BLTP3A: variants seen among roughly 807,000 people sequenced by gnomAD.
The protein encoded by BLTP3A is bridge-like lipid transfer protein family member 3A, also known as ICBP90 binding protein 1.
the BLTP3A span, chr6:34,856,924 C>T: frequency 7.4e-6 from 12 of 1,613,124 alleles, no homozygotes; most frequent in Middle Eastern, 3.3e-4. Flanking sequence ...CCTGGACATC[C>T]ACCAGGTGAG....
the BLTP3A span, among the ~76,000 whole-genome samples, chr6:34,849,786 A>G: frequency 6.6e-6 from 1 of 152,204 alleles, no homozygotes; most frequent in Non-Finnish European, 1.5e-5. Context: ...TTTGTTTGCA[A>G]AAGTATTTCT....
the BLTP3A span, among the ~76,000 whole-genome samples, chr6:34,798,218 A>G: frequency 6.6e-6 from 1 of 152,166 alleles, no homozygotes; most frequent in Non-Finnish European, 1.5e-5. Context: ...ATTTTGCATC[A>G]AGTTGTAGAT....
the BLTP3A span, among the ~76,000 whole-genome samples, chr6:34,865,790 G>GTGGCA: frequency 6.6e-6 from 1 of 152,170 alleles, no homozygotes; most frequent in Non-Finnish European, 1.5e-5. Context: ...CTTAAGCTGG[G>GTGGCA]TGGCATGTAC....
At chr6:34,811,001 A>G in the BLTP3A span, among the ~76,000 whole-genome samples, 2 of 152,224 alleles carry the variant, frequency 1.3e-5, no homozygotes, top group African/African-American at 2.4e-5. Context: ...CTAGGCTATC[A>G]GGTTTGTCTG....
At chr6:34,838,491 A>T in the BLTP3A span, among the ~76,000 whole-genome samples, 1 of 144,552 alleles carries the variant, frequency 6.9e-6, no homozygotes, top group Non-Finnish European at 1.5e-5. Flanking sequence ...TATCATCTCA[A>T]GCCACAAAAA....
chr6:34,818,411 G>A, the BLTP3A span, among the ~76,000 whole-genome samples: 2 of 152,020 alleles, frequency 1.3e-5, no homozygotes, highest in South Asian at 2.1e-4. Context: ...TGAGGCTGCA[G>A]TGAGCCATGA....
the BLTP3A span, among the ~76,000 whole-genome samples, chr6:34,854,783 A>G: frequency 6.6e-6 from 1 of 152,104 alleles, no homozygotes; most frequent in African/African-American, 2.4e-5. Context: ...ATTTCCCTTC[A>G]CTCATTTCTG....
chr6:34,867,567 G>T, the BLTP3A span: 3 of 1,613,882 alleles, frequency 1.9e-6, no homozygotes, highest in Non-Finnish European at 2.5e-6. Flanking sequence ...TGACCCTCCA[G>T]CAGCTGGGCA....
chr6:34,821,261 T>C, the BLTP3A span, among the ~76,000 whole-genome samples: 1 of 152,244 alleles, frequency 6.6e-6, no homozygotes, highest in Non-Finnish European at 1.5e-5. Flanking sequence ...CGGCTCCCTC[T>C]GTCTGTTTTT....
At chr6:34,834,951 A>G in the BLTP3A span, 285 of 1,500,410 alleles carry the variant, frequency 1.9e-4, no homozygotes, top group Non-Finnish European at 2.1e-4. Flanking sequence ...TTGGAATGTT[A>G]TTGGCCCTGG....
chr6:34,858,691 C>T, the BLTP3A span: 1 of 1,614,174 alleles, frequency 6.2e-7, no homozygotes, highest in East Asian at 2.2e-5. Context: ...AAAGACTGAA[C>T]ATGACTTGAA....
chr6:34,857,665 A>G, the BLTP3A span: 2 of 1,523,610 alleles, frequency 1.3e-6, no homozygotes, highest in Non-Finnish European at 9.0e-7. Context: ...AATATTAGGT[A>G]GTAAGAGCCT....
chr6:34,843,249 G>A, the BLTP3A span, among the ~76,000 whole-genome samples: 5 of 151,898 alleles, frequency 3.3e-5, no homozygotes, highest in Non-Finnish European at 5.9e-5. Flanking sequence ...CTCCCAAAAT[G>A]TTGGGATTAT....
At chr6:34,792,616 C>T in the BLTP3A span, among the ~76,000 whole-genome samples, 1 of 152,310 alleles carries the variant, frequency 6.6e-6, no homozygotes, top group African/African-American at 2.4e-5. Flanking sequence ...ACCTCCCACA[C>T]CTCCAAGCAG....
chr6:34,849,758 G>A, the BLTP3A span, among the ~76,000 whole-genome samples: 1 of 152,216 alleles, frequency 6.6e-6, no homozygotes, highest in South Asian at 2.1e-4. Flanking sequence ...GGACACATCT[G>A]GTGTTGATGA....
chr6:34,792,129 C>T, the BLTP3A span: 2 of 796,402 alleles, frequency 2.5e-6, no homozygotes, highest in African/African-American at 3.6e-5. Flanking sequence ...AGCGCCATGG[C>T]GGCGGCGGCG....
the BLTP3A span, among the ~76,000 whole-genome samples, chr6:34,828,930 G>T: frequency 6.7e-6 from 1 of 149,610 alleles, no homozygotes; most frequent in South Asian, 2.1e-4. Flanking sequence ...GGGAGGCTGA[G>T]GCAGGAGAAT....
chr6:34,858,252 G>T, the BLTP3A span: 3 of 1,614,212 alleles, frequency 1.9e-6, no homozygotes, highest in South Asian at 3.3e-5. Context: ...CAGACCTCCA[G>T]AGTCTCTTCC....
the BLTP3A span, chr6:34,870,831 C>T: frequency 6.2e-7 from 1 of 1,610,784 alleles, no homozygotes; most frequent in Non-Finnish European, 8.5e-7. Context: ...AATTAGTTGT[C>T]TTCCTTGTCT....
Sources: allele counts gnomAD v4.1 joint callset (sites outside exome capture counted in the v4.1 genomes callset), GRCh38; gene constraint gnomAD v4.1.1; transcripts MANE v1.5; gene names NCBI Gene and HGNC (gene_info 2026-07-23, HGNC 2026-07-21).